CORO7: variants seen among roughly 807,000 people sequenced by gnomAD.
CORO7 encodes the protein coronin 7.
CORO7 carries 107 observed loss-of-function variants against 126.6 expected under a neutral mutation model. That is an observed-to-expected ratio of 0.85 (90% CI 0.72 to 0.99). The LOEUF (loss-of-function observed/expected upper bound fraction) is 0.99. Among genes scored for constraint, CORO7 ranks in the 50% least tolerant of loss-of-function variants. CORO7 has a pLI of 0.00. For missense variants in CORO7, 1,314 were observed against 1,255.8 expected (o/e 1.05, Z -0.70); for synonymous variants, 603 against 536.8 (o/e 1.12, Z -1.70).
At chr16:4,411,411 G>C (rs921718000) in intron 3 of CORO7, among the ~76,000 whole-genome samples, 3 of 151,934 alleles carry the variant, frequency 2.0e-5, no homozygotes, top group African/African-American at 7.3e-5. Context: ...ACAAAAAACA[G>C]GTAACGTTGG....
intron 9 of CORO7, 38 bp downstream of exon 9, chr16:4,387,945 GTCA>G: frequency 1.2e-6 from 2 of 1,609,062 alleles, no homozygotes; most frequent in Non-Finnish European, 1.7e-6. Flanking sequence ...GGCGCCTTGG[GTCA>G]TCAGCCCCCC....
Position 4,360,987 on chromosome 16 carries a change from G to C in CORO7, c.1873C>G (p.Gln625Glu). The C allele has an allele frequency of 6.2e-7, 1 of 1,612,948 alleles. No individual in the cohort carries two copies. Among genetic ancestry groups the C allele is most frequent in the South Asian group, 1.1e-5 (1 of 91,090 alleles). ...YDLTVRIWDL[Q>E]AGADRLKLQG... ...AGCTTCAGCCGATCAGCTCCAGCCT[G>C]AAGGTCCCAGATGCGAACAGTGAGG... The change falls in exon 19 of 28, where the codon CAG becomes GAG. Residue 625 changes from glutamine to glutamate, a missense_variant. Transcript: ENST00000251166.
intron 6 of CORO7, among the ~76,000 whole-genome samples, chr16:4,405,213 G>A (rs2055952141): frequency 1.3e-5 from 2 of 152,230 alleles, no homozygotes; most frequent in South Asian, 2.1e-4. Flanking sequence ...AGACCAGACA[G>A]GCGGCCAGAG....
intron 9 of CORO7, 150 bp from the exon 10 acceptor site, chr16:4,365,695 C>A (rs3747577): frequency 1.7e-5 from 17 of 1,017,350 alleles, no homozygotes; most frequent in South Asian, 6.5e-5. Context: ...GAACCCCCTC[C>A]TCTTCCTGAG....
intron 21 of CORO7, 67 bp from the exon 22 acceptor site, chr16:4,359,688 C>T (rs2054096768): frequency 3.3e-6 from 5 of 1,523,060 alleles, no homozygotes; most frequent in South Asian, 1.3e-5. Context: ...AGGGAGAAGG[C>T]GCCCACGTAG....
Position 4,364,766 on chromosome 16 carries a change from C to A in CORO7, c.1044+9G>T. 2 of 1,608,884 alleles carry A rather than the reference C, an allele frequency of 1.2e-6. No individual in the cohort carries two copies. Among genetic ancestry groups the A allele is most frequent in the Non-Finnish European group, 1.7e-6 (2 of 1,178,144 alleles). On this transcript the variant is annotated intron_variant, in intron 12 of 27. Transcript: ENST00000251166. ...AGCCCCCGCAGTCCCTCGCCCAAGT[C>A]CCCCTCACCTTGCGGGGCACATGGT...
chr16:4,355,474 T>C, intron 26 of CORO7, 102 bp from the exon 27 acceptor site: 4 of 1,338,902 alleles, frequency 3.0e-6, no homozygotes, highest in Non-Finnish European at 1.0e-6. Flanking sequence ...AGAACTTTTT[T>C]TTTTTTTTTA....
At chr16:4,392,623 C>T (rs934275263) in intron 7 of CORO7, among the ~76,000 whole-genome samples, 1 of 152,178 alleles carries the variant, frequency 6.6e-6, no homozygotes, top group Admixed American at 6.5e-5. Context: ...CAGGCGGCCC[C>T]GCTCCCTGAC....
At chr16:4,376,143 C>T (rs960866456) in intron 9 of CORO7, among the ~76,000 whole-genome samples, 14 of 152,184 alleles carry the variant, frequency 9.2e-5, no homozygotes, top group Non-Finnish European at 4.4e-5. Context: ...AGGCCCAGCC[C>T]TCTCTGCCCC....
chr16:4,382,720 G>T, intron 9 of CORO7: 1 of 1,551,964 alleles, frequency 6.4e-7, no homozygotes, highest in Non-Finnish European at 8.7e-7. Flanking sequence ...CAAAGGGCAG[G>T]TGGGGCCAGG....
In CORO7 at chr16:4,401,664, C is replaced by T. The variant is rs74003292; in HGVS notation, c.564+3827G>A. 2.8e-3 allele frequency among the ~76,000 whole-genome samples: 430 copies of T among 152,130 alleles called. 1 individual carries two copies. The highest frequency in any genetic ancestry group is 9.9e-3 in the African/African-American group (410 of 41,512). On this transcript the variant is annotated intron_variant, in intron 6 of 27. Transcript: ENST00000251166. ...ACAGAAACAGAGCACAATGACAGAG[C>T]GGGCCAGAGAGAGCAAGTAGAGATC...
At chr16:4,409,597 G>T (rs368558420) in intron 3 of CORO7, among the ~76,000 whole-genome samples, 2 of 152,224 alleles carry the variant, frequency 1.3e-5, no homozygotes, top group South Asian at 2.1e-4. Context: ...CCCAGAGAGG[G>T]TGAGTAACTG....
chr16:4,386,439 C>T (rs931370124), intron 9 of CORO7, among the ~76,000 whole-genome samples: 10 of 152,142 alleles, frequency 6.6e-5, no homozygotes, highest in Admixed American at 3.9e-4. Flanking sequence ...CACACAAATG[C>T]CTCCACTGGG....
intron 7 of CORO7, among the ~76,000 whole-genome samples, chr16:4,394,350 G>T (rs938158173): frequency 1.3e-5 from 2 of 151,840 alleles, no homozygotes; most frequent in African/African-American, 4.8e-5. Flanking sequence ...TCGGGAGGCT[G>T]AGGTGAGAGA....
chr16:4,406,428 T>C (rs1042661271), intron 5 of CORO7, among the ~76,000 whole-genome samples: 4 of 152,184 alleles, frequency 2.6e-5, no homozygotes, highest in African/African-American at 9.7e-5. Context: ...CTTGAGTACC[T>C]GGGACACAGA....
Position 4,385,847 on chromosome 16 carries a change from G to T in CORO7, c.785+2139C>A, listed in dbSNP as rs191905603. Among the ~76,000 whole-genome samples, 85 of 152,358 alleles carry T rather than the reference G, an allele frequency of 5.6e-4. No individual in the cohort carries two copies. The East Asian group carries it at 0.011, about 20-fold the overall frequency. On this transcript the variant is annotated intron_variant, in intron 9 of 27. Transcript: ENST00000251166. ...CCCTGGCCTCCTCTAGCTCTCATAA[G>T]GGCACACACTGTTCTGCCCAAGCCA...
chr16:4,361,623 C>T (rs568236017), intron 16 of CORO7, 154 bp from the exon 17 acceptor site: 37 of 946,178 alleles, frequency 3.9e-5, no homozygotes, highest in South Asian at 1.4e-4. Context: ...GACCACCTTG[C>T]GCTCTGAGCC....
chr16:4,386,408 G>A (rs998874751), intron 9 of CORO7, among the ~76,000 whole-genome samples: 2 of 152,222 alleles, frequency 1.3e-5, no homozygotes, highest in African/African-American at 2.4e-5. Flanking sequence ...GTGGGTGGAA[G>A]TGACTGGTGC....
chr16:4,407,001 G>A (rs1021943016), intron 5 of CORO7, among the ~76,000 whole-genome samples: 7 of 149,904 alleles, frequency 4.7e-5, no homozygotes, highest in East Asian at 2.0e-4. Context: ...AGGCTGGAGC[G>A]CAGTGGTGCA....
Sources: gnomAD v4.1 joint callset for allele counts (sites outside exome capture counted in the v4.1 genomes callset) on GRCh38, gnomAD v4.1.1 for gene constraint, MANE v1.5 for transcripts, NCBI Gene and HGNC (gene_info 2026-07-23, HGNC 2026-07-21) for gene names.